COL5A1: variants seen among roughly 807,000 people sequenced by gnomAD.
COL5A1 encodes collagen type V alpha 1 chain, also known as collagen alpha-1(V) chain.
COL5A1 carries 16 observed loss-of-function variants against 263.7 expected under a neutral mutation model. That is an observed-to-expected ratio of 0.06 (90% CI 0.04 to 0.09). COL5A1 has a LOEUF of 0.09. Among genes scored for constraint, COL5A1 ranks in the 10% least tolerant of loss-of-function variants. The pLI, the probability that COL5A1 is intolerant of heterozygous loss-of-function variation, is 1.00. For synonymous variants in COL5A1, 1,012 were observed against 1,004.5 expected, an observed-to-expected ratio of 1.01 and a Z score of -0.14; for missense variants, 2,036 against 2,540.5, an observed-to-expected ratio of 0.80 and a Z score of 4.27.
chr9:134,670,953 G>A (rs183036699), intron 1 of COL5A1, among the ~76,000 whole-genome samples: 56 of 152,330 alleles, frequency 3.7e-4, no homozygotes, highest in Non-Finnish European at 6.6e-4. Flanking sequence ...ATACCACAAG[G>A]CCGGGAGGGA....
intron 9 of COL5A1, chr9:134,732,722 CA>C (rs1834943063): frequency 5.8e-6 from 1 of 172,044 alleles, no homozygotes; most frequent in African/African-American, 2.4e-5. Flanking sequence ...CGGGTGAGTT[CA>C]AAAAGTTACT....
At position 134,818,665 on chromosome 9, in the gene COL5A1, G is replaced by A. The variant is rs776709663; in HGVS notation, c.4240G>A (p.Gly1414Ser). The A allele has an allele frequency of 3.8e-5, 61 of 1,608,538 alleles. No homozygotes were observed. Among genetic ancestry groups the A allele is most frequent in the African/African-American group, 2.7e-5 (2 of 74,788 alleles). Residue 1414 changes from glycine (G) to serine (S), a missense_variant, in exon 55 of 66, where the codon GGC becomes AGC. Physicochemically the swap from Gly to Ser is moderately conservative, Grantham distance 56. Transcript: ENST00000371817. This position sits in a 1 kb window ranked among gnomAD's most constrained non-coding sequence, Gnocchi z 6.0. The part of the protein sequence containing the change: ...QGEKGAKGEA[G>S]LEGPPGKTGP... ...CTCCGCCGTCCTGCAGGGAGAAGCC[G>A]GCTTGGAAGGCCCTCCTGGGAAGAC... is the stretch of plus-strand genomic sequence containing the variant.
rs1832864804 is a variant in COL5A1 at position 134,681,720 on chromosome 9, ATGCTATT to A, written c.110-9190_110-9184del. 6.6e-6 allele frequency among the ~76,000 whole-genome samples: 1 copy of A among 152,176 alleles called. No homozygotes were observed. Among genetic ancestry groups the A allele is most frequent in the African/African-American group, 2.4e-5 (1 of 41,434 alleles). Reference sequence around the variant, plus strand: ...TTCCCAATGAAGGCTCTTAGCCCAGATGCTATTTATGACTCCTGGCTCTAAAATTAGA... The same window carrying A: ...TTCCCAATGAAGGCTCTTAGCCCAGATATGACTCCTGGCTCTAAAATTAGA... On this transcript the variant is annotated intron_variant, in intron 1 of 65. Transcript: ENST00000371817. This position sits in a 1 kb window ranked among gnomAD's most constrained non-coding sequence, Gnocchi z 4.3.
In COL5A1 at chr9:134,652,131, G is replaced by A. The variant is rs1831709999; in HGVS notation, c.109+9835G>A. On this transcript the variant is annotated intron_variant, in intron 1 of 65. Coordinates refer to ENST00000371817, the MANE Select transcript of COL5A1 (RefSeq NM_000093.5). This position sits in a 1 kb window ranked among gnomAD's most constrained non-coding sequence, Gnocchi z 4.4. ...AGGGCGTTCTCGAGGGAAGGGTAGGGAACGATTTCTGACTGCGATTGTAAG... is the reference window on the plus strand; with the variant it reads ...AGGGCGTTCTCGAGGGAAGGGTAGGAAACGATTTCTGACTGCGATTGTAAG... 6.6e-6 allele frequency among the ~76,000 whole-genome samples: 1 copy of A among 152,160 alleles called. No individual in the cohort carries two copies. The highest frequency in any genetic ancestry group is 1.9e-4 in the East Asian group (1 of 5,194).
intron 1 of COL5A1, among the ~76,000 whole-genome samples, chr9:134,668,498 C>A (rs12000599): frequency 0.23 from 35,583 of 152,018 alleles, 5,257 homozygotes; most frequent in African/African-American, 0.41. Context: ...AATTGGGTGC[C>A]TTAAATTTAG....
intron 65 of COL5A1, among the ~76,000 whole-genome samples, chr9:134,836,585 C>G (rs1047874632): frequency 1.3e-5 from 2 of 152,200 alleles, no homozygotes; most frequent in African/African-American, 4.8e-5. Context: ...CAGTGTGAGG[C>G]CTGGGCAGGC....
At chr9:134,729,561 TGTGTGTGTGA>T (rs1248352068) in intron 6 of COL5A1, among the ~76,000 whole-genome samples, 24 of 70,516 alleles carry the variant, frequency 3.4e-4, no homozygotes, top group African/African-American at 1.5e-3. Flanking sequence ...TGCATGAGCC[TGTGTGTGTGA>T]GCGTGTGTGA....
intron 1 of COL5A1, among the ~76,000 whole-genome samples, chr9:134,671,846 T>G (rs4842139): frequency 1.3e-5 from 2 of 152,200 alleles, no homozygotes; most frequent in Non-Finnish European, 2.9e-5. Context: ...AGGCAAGTGC[T>G]GTCCGATGCC....
intron 31 of COL5A1, among the ~76,000 whole-genome samples, chr9:134,788,486 A>G (rs1349318396): frequency 7.7e-6 from 1 of 129,432 alleles, no homozygotes; most frequent in Non-Finnish European, 1.6e-5. Flanking sequence ...GTGGGTGGAT[A>G]GGTGGGTGAA....
intron 14 of COL5A1, among the ~76,000 whole-genome samples, chr9:134,753,373 G>C (rs1358805993): frequency 1.3e-5 from 2 of 152,240 alleles, no homozygotes; most frequent in African/African-American, 4.8e-5. Flanking sequence ...CAGGCACACA[G>C]AGGAGTTCAA....
At chr9:134,704,080 T>G (rs1833763968) in intron 4 of COL5A1, among the ~76,000 whole-genome samples, 1 of 152,130 alleles carries the variant, frequency 6.6e-6, no homozygotes, top group Non-Finnish European at 1.5e-5. Flanking sequence ...AAATAGTGCT[T>G]CATTGATATT....
intron 2 of COL5A1, chr9:134,691,696 C>T (rs1833287355): frequency 6.4e-6 from 1 of 156,280 alleles, no homozygotes; most frequent in Admixed American, 6.2e-5. Context: ...ACCCTCTGGG[C>T]TTATCTGGAC....
In COL5A1 at chr9:134,818,677, C is replaced by T. The variant is rs796151769; in HGVS notation, c.4252C>T (p.Pro1418Ser). The change falls in exon 55 of 66, where the codon CCT becomes TCT. Residue 1418 changes from proline (P) to serine (S), a missense_variant. Pro to Ser is a moderately conservative substitution (Grantham distance 74). Transcript: ENST00000371817. This position sits in a 1 kb window ranked among gnomAD's most constrained non-coding sequence, Gnocchi z 6.0. ...GCAGGGAGAAGCCGGCTTGGAAGGC[C>T]CTCCTGGGAAGACTGGCCCCATCGG... ...GAKGEAGLEG[P>S]PGKTGPIGPQ... 3.1e-6 allele frequency: 5 copies of T among 1,609,090 alleles called. No homozygotes were observed. Among genetic ancestry groups the T allele is most frequent in the Admixed American group, 3.4e-5 (2 of 59,648 alleles).
chr9:134,705,160 T>C (rs1340604508), intron 4 of COL5A1, among the ~76,000 whole-genome samples: 3 of 152,222 alleles, frequency 2.0e-5, no homozygotes, highest in African/African-American at 7.2e-5. Context: ...TGGGGGTTTT[T>C]CCTGGGGTGT....
At chr9:134,830,908 T>C (rs745342775) in intron 64 of COL5A1, among the ~76,000 whole-genome samples, 3 of 152,204 alleles carry the variant, frequency 2.0e-5, no homozygotes, top group Non-Finnish European at 4.4e-5. Context: ...GGCCCTCTCC[T>C]GGAATGAAGA....
In COL5A1 at chr9:134,750,531, C is replaced by A. The variant is rs199501759; in HGVS notation, c.1495-11C>A. ...CACTCTGACTTGTCTCTCTTGGCCC[C>A]TTGTCTTCAGGGCCCCCCTGGACGC... On this transcript the variant is annotated splice_polypyrimidine_tract_variant and intron_variant, in intron 11 of 65. Transcript: ENST00000371817. 6.4e-5 allele frequency: 103 copies of A among 1,613,486 alleles called. No homozygotes were observed. The Admixed American group carries it at 1.7e-3, about 27-fold the overall frequency.
chr9:134,822,615 G>C (rs1249552996), intron 59 of COL5A1, among the ~76,000 whole-genome samples: 1 of 152,046 alleles, frequency 6.6e-6, no homozygotes, highest in South Asian at 2.1e-4. Context: ...CATGGCCCCC[G>C]GGGGCCCCTG....
At chr9:134,714,230 C>G (rs1834165429) in intron 4 of COL5A1, among the ~76,000 whole-genome samples, 1 of 151,968 alleles carries the variant, frequency 6.6e-6, no homozygotes, top group Admixed American at 6.5e-5. Context: ...GCTGGTGAGC[C>G]TTTCTCAGGG....
chr9:134,796,998 G>A (rs1196949481), intron 36 of COL5A1, 97 bp downstream of exon 36: 55 of 1,257,002 alleles, frequency 4.4e-5, no homozygotes, highest in Non-Finnish European at 5.6e-5. Flanking sequence ...AGGTCTGCTC[G>A]GAGCTCCTCA....
Sources: gnomAD v4.1 joint callset for allele counts (sites outside exome capture counted in the v4.1 genomes callset) on GRCh38, gnomAD v4.1.1 for gene constraint, Gnocchi (gnomAD v3.1) non-coding constraint, MANE v1.5 for transcripts, NCBI Gene and HGNC (gene_info 2026-07-23, HGNC 2026-07-21) for gene names.